MTUS2: variants seen among roughly 807,000 people sequenced by gnomAD.
The protein encoded by MTUS2 is microtubule associated scaffold protein 2, also known as microtubule-associated tumor suppressor candidate 2.
A neutral mutation model predicts 114.1 loss-of-function variants in MTUS2; 40 were observed. The observed-to-expected ratio is 0.35, with a 90% CI of 0.27 to 0.46. The LOEUF (loss-of-function observed/expected upper bound fraction) is 0.46, where lower values mean the gene tolerates loss of function less well. MTUS2 is among the 20% of genes least tolerant of loss of function. MTUS2 has a pLI of 1.00. For missense variants in MTUS2, 1,679 were observed against 1,705.4 expected (o/e 0.98, Z 0.27); for synonymous variants, 688 against 672.0 (o/e 1.02, Z -0.37).
intron 5 of MTUS2, among the ~76,000 whole-genome samples, chr13:29,158,358 C>CCCCCCCCCT: frequency 2.2e-3 from 69 of 32,058 alleles, no homozygotes; most frequent in African/African-American, 4.9e-3. Context: ...GTCCACCCCG[C>CCCCCCCCCT]TTTTTTTTTT....
chr13:28,837,162 A>T (rs550022633), intron 1 of MTUS2, among the ~76,000 whole-genome samples: 40 of 152,342 alleles, frequency 2.6e-4, no homozygotes, highest in African/African-American at 8.9e-4. Context: ...GTGCTCCAGC[A>T]GTACCCAGGG....
chr13:29,499,185 C>T (rs1011691215), intron 14 of MTUS2, among the ~76,000 whole-genome samples: 2 of 152,164 alleles, frequency 1.3e-5, no homozygotes, highest in Non-Finnish European at 2.9e-5. Context: ...GAACAGAGTC[C>T]TAGCTCTGAC....
chr13:29,373,154 G>C (rs970705240), intron 8 of MTUS2, among the ~76,000 whole-genome samples: 2 of 152,154 alleles, frequency 1.3e-5, no homozygotes, highest in Non-Finnish European at 2.9e-5. Flanking sequence ...GGAACTCCTA[G>C]AACTCAGAGA....
At chr13:29,481,134 C>T (rs1413408535) in intron 10 of MTUS2, among the ~76,000 whole-genome samples, 1 of 152,200 alleles carries the variant, frequency 6.6e-6, no homozygotes, top group African/African-American at 2.4e-5. Flanking sequence ...CAGAGTACCA[C>T]ACAATATCCA....
intron 8 of MTUS2, among the ~76,000 whole-genome samples, chr13:29,378,688 C>G (rs1424630395): frequency 6.6e-6 from 1 of 152,144 alleles, no homozygotes; most frequent in Non-Finnish European, 1.5e-5. Context: ...TGGAAATGAT[C>G]CATGCTAGGA....
chr13:29,309,343 C>T (rs1184787101), intron 6 of MTUS2, among the ~76,000 whole-genome samples: 3 of 152,096 alleles, frequency 2.0e-5, no homozygotes, highest in Non-Finnish European at 4.4e-5. Flanking sequence ...GAAAACCAAA[C>T]ACCACATGTT....
At chr13:28,938,113 G>A (rs1035353088) in intron 2 of MTUS2, among the ~76,000 whole-genome samples, 4 of 152,120 alleles carry the variant, frequency 2.6e-5, no homozygotes, top group African/African-American at 4.8e-5. Context: ...GGCCGGGTGC[G>A]GTGGCTCACG....
intron 5 of MTUS2, among the ~76,000 whole-genome samples, chr13:29,150,890 T>C (rs1892637764): frequency 6.6e-6 from 1 of 152,140 alleles, no homozygotes; most frequent in African/African-American, 2.4e-5. Context: ...TCTATGGTGT[T>C]CCATTCGTCT....
In MTUS2 at chr13:29,023,832, G is replaced by A. The variant is rs1358427643; in HGVS notation, c.-242-625G>A. 2.6e-5 allele frequency among the ~76,000 whole-genome samples: 4 copies of A among 152,202 alleles called. No homozygotes were observed. In the East Asian group the frequency reaches 7.7e-4, roughly 29 times the overall value. ...GTTGAACATTAACTACTGCATAGGTGATGTGTGGCCCTGAGAACTAACTAA... is the reference window on the plus strand; with the variant it reads ...GTTGAACATTAACTACTGCATAGGTAATGTGTGGCCCTGAGAACTAACTAA... On this transcript the variant is annotated intron_variant, in intron 2 of 15. Transcript: ENST00000612955.
At chr13:29,111,101 A>C (rs941757657) in intron 5 of MTUS2, among the ~76,000 whole-genome samples, 1 of 152,200 alleles carries the variant, frequency 6.6e-6, no homozygotes, top group Non-Finnish European at 1.5e-5. Context: ...TAAAAAATGG[A>C]ACCACTTATG....
At chr13:29,149,416 G>A (rs1420602129) in intron 5 of MTUS2, among the ~76,000 whole-genome samples, 2 of 152,138 alleles carry the variant, frequency 1.3e-5, no homozygotes, top group African/African-American at 2.4e-5. Flanking sequence ...TGTAGATACT[G>A]GATATTAGTC....
At position 29,026,268 on chromosome 13, in the gene MTUS2, G is replaced by A; in HGVS notation, c.1570G>A (p.Ala524Thr). 1 of 1,613,986 alleles carries A rather than the reference G, an allele frequency of 6.2e-7. No homozygotes were observed. The highest frequency in any genetic ancestry group is 8.5e-7 in the Non-Finnish European group (1 of 1,179,898). ...ENADKIESTSARADSVLNIPA... is the reference protein window; with the variant it reads ...ENADKIESTSTRADSVLNIPA... ...TGCAGATAAGATTGAAAGCACCTCA[G>A]CAAGAGCAGATTCAGTTCTCAATAT... Residue 524 changes from alanine to threonine, a missense_variant, in exon 3 of 16, where the codon GCA (alanine) becomes ACA (threonine). This residue lies in a region of MTUS2 where 843 missense variants were observed against 770.8 expected (regional missense o/e 1.09). Coordinates refer to ENST00000612955, the MANE Select transcript of MTUS2 (RefSeq NM_001033602.4).
intron 2 of MTUS2, among the ~76,000 whole-genome samples, chr13:28,990,390 G>A (rs1333192929): frequency 6.6e-6 from 1 of 152,176 alleles, no homozygotes; most frequent in African/African-American, 2.4e-5. Context: ...ACTGGGTGTA[G>A]TGGGGGCATG....
intron 5 of MTUS2, among the ~76,000 whole-genome samples, chr13:29,134,660 C>T (rs574935658): frequency 5.3e-5 from 8 of 152,256 alleles, no homozygotes; most frequent in East Asian, 3.9e-4. Context: ...TGCAATGGCA[C>T]GGTCTTGGCT....
intron 2 of MTUS2, among the ~76,000 whole-genome samples, chr13:28,876,854 C>T (rs553907603): frequency 1.3e-5 from 2 of 152,222 alleles, no homozygotes; most frequent in East Asian, 3.9e-4. Flanking sequence ...AGAACAATCC[C>T]TGGCACATAA....
At chr13:29,131,857 A>G (rs961950468) in intron 5 of MTUS2, among the ~76,000 whole-genome samples, 1 of 152,238 alleles carries the variant, frequency 6.6e-6, no homozygotes, top group Admixed American at 6.5e-5. Flanking sequence ...CCCTAATTCT[A>G]CCATCCAGAG....
chr13:28,890,866 T>C (rs1235507973), intron 2 of MTUS2, among the ~76,000 whole-genome samples: 1 of 152,190 alleles, frequency 6.6e-6, no homozygotes, highest in Non-Finnish European at 1.5e-5. Flanking sequence ...GAGCCAGCTG[T>C]GTCTGTTAGA....
intron 2 of MTUS2, among the ~76,000 whole-genome samples, chr13:28,917,759 T>A: frequency 6.6e-6 from 1 of 151,848 alleles, no homozygotes; most frequent in Non-Finnish European, 1.5e-5. Context: ...AGTCTACTAA[T>A]TTTGGGTTTG....
chr13:28,992,735 G>A (rs1013661190), intron 2 of MTUS2, among the ~76,000 whole-genome samples: 2 of 151,402 alleles, frequency 1.3e-5, no homozygotes, highest in East Asian at 1.9e-4. Flanking sequence ...TCTTTTTATT[G>A]TGGTAAAATA....
Sources: gnomAD v4.1 joint callset for allele counts (sites outside exome capture counted in the v4.1 genomes callset) on GRCh38, gnomAD v4.1.1 for gene constraint, gnomAD v4.1.1 regional missense constraint, MANE v1.5 for transcripts, NCBI Gene and HGNC (gene_info 2026-07-23, HGNC 2026-07-21) for gene names.